Variants in CD160 observed in about 807,000 individuals in gnomAD.
CD160 encodes CD160 molecule.
Under a neutral mutation model 19.2 loss-of-function variants are expected in CD160, and 11 were observed. That is an observed-to-expected ratio of 0.57 (90% CI 0.36 to 0.95). The LOEUF (loss-of-function observed/expected upper bound fraction) is 0.95. Among genes scored for constraint, CD160 ranks in the 40% least tolerant of loss-of-function variants. The pLI is 0.01. For synonymous variants in CD160, 75 were observed against 81.1 expected, an observed-to-expected ratio of 0.93 and a Z score of 0.40; for missense variants, 182 against 213.2, an observed-to-expected ratio of 0.85 and a Z score of 0.91.
intron 3 of CD160, 86 bp downstream of exon 3, chr1:145,728,486 G>C (rs1657145176): frequency 1.3e-6 from 1 of 789,232 alleles, no homozygotes; most frequent in Non-Finnish European, 2.1e-6. Flanking sequence ...TTCTCTAGTG[G>C]GGAAACAAAG....
chr1:145,722,583 T>G (rs1656895783), intron 1 of CD160, among the ~76,000 whole-genome samples: 1 of 152,084 alleles, frequency 6.6e-6, no homozygotes, highest in African/African-American at 2.4e-5. Flanking sequence ...ACTATTAAGT[T>G]TTTTTTGTTT....
intron 4 of CD160, 32 bp from the exon 5 acceptor site, chr1:145,735,965 C>G: frequency 6.6e-7 from 1 of 1,519,246 alleles, no homozygotes; most frequent in Admixed American, 1.8e-5. Flanking sequence ...TTCTGAAACC[C>G]TCCCCTGATC....
Position 145,736,120 on chromosome 1 carries a change from T to C in CD160, c.524T>C (p.Leu175Pro), listed in dbSNP as rs1553710105. ...EKVWVMLVTS[L>P]VALQAL is the part of the protein sequence containing the mutation. Reference sequence around the variant, plus strand: ...GTCTGGGTAATGCTGGTCACCAGCCTTGTGGCCCTTCAAGGTATGTCCAAA... The same window carrying C: ...GTCTGGGTAATGCTGGTCACCAGCCCTGTGGCCCTTCAAGGTATGTCCAAA... Residue 175 changes from leucine (L) to proline (P), a missense_variant, in exon 5 of 6, where the codon CTT becomes CCT. Leu to Pro is a moderately conservative substitution (Grantham distance 98). Transcript: ENST00000369288. The C allele has an allele frequency of 1.9e-6, 3 of 1,614,160 alleles. No individual in the cohort carries two copies. Among genetic ancestry groups the C allele is most frequent in the Non-Finnish European group, 1.7e-6 (2 of 1,180,028 alleles).
chr1:145,732,832 C>T (rs952189679), intron 4 of CD160, among the ~76,000 whole-genome samples: 2 of 152,064 alleles, frequency 1.3e-5, no homozygotes, highest in African/African-American at 4.8e-5. Context: ...ATTTGTGGTA[C>T]AATTATTTTT....
chr1:145,725,449 G>C (rs1044060217), intron 2 of CD160, among the ~76,000 whole-genome samples: 1 of 152,034 alleles, frequency 6.6e-6, no homozygotes, highest in East Asian at 1.9e-4. Context: ...TGTCTCAAAA[G>C]AAAATAACAA....
chr1:145,733,728 C>T (rs1348333718), intron 4 of CD160, among the ~76,000 whole-genome samples: 10 of 152,104 alleles, frequency 6.6e-5, no homozygotes, highest in African/African-American at 2.4e-4. Flanking sequence ...ACCCACCTGG[C>T]TGTTCTTTTG....
chr1:145,721,583 C>G (rs963944574), intron 1 of CD160, among the ~76,000 whole-genome samples: 1 of 152,116 alleles, frequency 6.6e-6, no homozygotes, highest in Admixed American at 6.5e-5. Context: ...CCTGTCCTCT[C>G]TCTCCTTGGA....
chr1:145,732,110 AC>A (rs1485478251), intron 4 of CD160, among the ~76,000 whole-genome samples: 1 of 152,200 alleles, frequency 6.6e-6, no homozygotes, highest in Non-Finnish European at 1.5e-5. Flanking sequence ...ATTGTGCCCA[AC>A]AGAAAGTGTC....
At chr1:145,725,671 A>G (rs1368952145) in intron 2 of CD160, among the ~76,000 whole-genome samples, 2 of 152,200 alleles carry the variant, frequency 1.3e-5, no homozygotes, top group Non-Finnish European at 2.9e-5. Context: ...ATAAATGTAT[A>G]TTCCTTAACA....
chr1:145,734,274 A>G (rs1205300991), intron 4 of CD160, among the ~76,000 whole-genome samples: 3 of 152,086 alleles, frequency 2.0e-5, no homozygotes, highest in African/African-American at 7.2e-5. Context: ...TCCCACACCT[A>G]CCACAGGGCC....
At chr1:145,735,075 C>T (rs782026904) in intron 4 of CD160, among the ~76,000 whole-genome samples, 24 of 151,856 alleles carry the variant, frequency 1.6e-4, no homozygotes, top group Non-Finnish European at 2.6e-4. Flanking sequence ...CCACTGCACT[C>T]GAGCCTGGGC....
At chr1:145,719,696 A>C (rs1362545523) in intron 1 of CD160, 137 bp downstream of exon 1, 1 of 152,204 alleles carries the variant, frequency 6.6e-6, no homozygotes, top group African/African-American at 2.4e-5. Flanking sequence ...TGCCCTCTGG[A>C]GCCTGGGGAG....
At chr1:145,736,281 A>ACT (rs1657490304) in intron 5 of CD160, 147 bp downstream of exon 5, 1 of 1,552,710 alleles carries the variant, frequency 6.4e-7, no homozygotes, top group Non-Finnish European at 8.7e-7. Context: ...TCCACAGGAA[A>ACT]GTTCAAACCA....
chr1:145,723,804 G>A (rs767788263), intron 1 of CD160, among the ~76,000 whole-genome samples: 6 of 152,038 alleles, frequency 3.9e-5, no homozygotes, highest in Admixed American at 6.6e-5. Flanking sequence ...GGCTGGTCTC[G>A]AACTCCTGAC....
Position 145,730,882 on chromosome 1 carries a change from A to T in CD160, c.212A>T (p.Glu71Val). 2 of 1,613,904 alleles carry T rather than the reference A, an allele frequency of 1.2e-6. No homozygotes were observed. The highest frequency in any genetic ancestry group is 1.7e-6 in the Non-Finnish European group (2 of 1,180,010). ...GACAGGTCTGGAGACTGTTCTCCTG[A>T]GACCAGTTTAAAACAGCTGAGACTT... ...CKDRSGDCSPETSLKQLRLKR... is the reference protein window; with the variant it reads ...CKDRSGDCSPVTSLKQLRLKR... Residue 71 changes from glutamate (E) to valine (V), a missense_variant, in exon 4 of 6, where the codon GAG becomes GTG. By Grantham distance (121) the Glu-to-Val change is moderately radical. Coordinates refer to ENST00000369288, the MANE Select transcript of CD160 (RefSeq NM_007053.4).
intron 5 of CD160, 134 bp downstream of exon 5, chr1:145,736,268 C>A (rs782658503): frequency 6.4e-6 from 10 of 1,556,518 alleles, no homozygotes; most frequent in African/African-American, 1.4e-5. Flanking sequence ...CAAGCCCTGG[C>A]TATCCACAGG....
At chr1:145,735,032 G>A (rs781789560) in intron 4 of CD160, among the ~76,000 whole-genome samples, 9 of 152,006 alleles carry the variant, frequency 5.9e-5, no homozygotes, top group Non-Finnish European at 1.3e-4. Context: ...ACTTGAACCC[G>A]GGAAGCAGAG....
In CD160 at chr1:145,736,053, C is replaced by T. The variant is rs1553710088; in HGVS notation, c.457C>T (p.His153Tyr). 7 of 1,613,890 alleles carry T rather than the reference C, an allele frequency of 4.3e-6. No individual in the cohort carries two copies. Among genetic ancestry groups the T allele is most frequent in the Non-Finnish European group, 5.9e-6 (7 of 1,179,918 alleles). Residue 153 changes from histidine (H) to tyrosine (Y), a missense_variant, in exon 5 of 6, where the codon CAT becomes TAT. Transcript: ENST00000369288. ...ACAAAGACAACACCTTGAGTTCAGC[C>T]ATAATGAAGGCACTCTCAGTTCAGG... Reference protein sequence around the residue: ...LKQRQHLEFSHNEGTLSSGFL... With the variant: ...LKQRQHLEFSYNEGTLSSGFL...
intron 1 of CD160, among the ~76,000 whole-genome samples, chr1:145,720,197 C>T (rs782105037): frequency 1.1e-4 from 16 of 152,208 alleles, no homozygotes; most frequent in Non-Finnish European, 1.9e-4. Flanking sequence ...AGAATTACAA[C>T]AGTTATTAGG....
Sources: gnomAD v4.1 joint callset for allele counts (sites outside exome capture counted in the v4.1 genomes callset) on GRCh38, gnomAD v4.1.1 for gene constraint, MANE v1.5 for transcripts, NCBI Gene and HGNC (gene_info 2026-07-23, HGNC 2026-07-21) for gene names.